Variants in ST3GAL6 observed in about 807,000 individuals in gnomAD.
ST3GAL6 encodes the protein type 2 lactosamine alpha-2,3-sialyltransferase.
A neutral mutation model predicts 40.5 loss-of-function variants in ST3GAL6; 31 were observed. The observed-to-expected ratio is 0.77, with a 90% CI of 0.58 to 1.03. The LOEUF (loss-of-function observed/expected upper bound fraction) is 1.03, where lower values mean the gene tolerates loss of function less well. Ranked by LOEUF, ST3GAL6 falls within the 50% of genes least tolerant of loss-of-function variation. The probability of loss-of-function intolerance (pLI) is 0.00; values close to 1 mark genes in which losing one functional copy is unlikely to be tolerated. For synonymous variants in ST3GAL6, 129 were observed against 136.9 expected (o/e 0.94, Z 0.40); for missense variants, 357 against 393.2 (o/e 0.91, Z 0.78).
At chr3:98,742,238 G>A (rs1936155993) in intron 1 of ST3GAL6, among the ~76,000 whole-genome samples, 1 of 152,088 alleles carries the variant, frequency 6.6e-6, no homozygotes, top group Non-Finnish European at 1.5e-5. Flanking sequence ...AATACCTGAT[G>A]TTAATATTTA....
chr3:98,775,973 G>A (rs1333257451), intron 5 of ST3GAL6, among the ~76,000 whole-genome samples: 2 of 152,162 alleles, frequency 1.3e-5, no homozygotes, highest in Non-Finnish European at 2.9e-5. Context: ...AACCCTGTAG[G>A]ATCCCCACAG....
intron 4 of ST3GAL6, 21 bp downstream of exon 4, chr3:98,772,937 C>T: frequency 6.7e-7 from 1 of 1,495,220 alleles, no homozygotes; most frequent in Non-Finnish European, 9.3e-7. Flanking sequence ...GTATTCTTAC[C>T]TGGTTCTGTT....
chr3:98,734,061 T>C (rs75732997), intron 1 of ST3GAL6, among the ~76,000 whole-genome samples: 3,302 of 152,320 alleles, frequency 0.022, 129 homozygotes, highest in African/African-American at 0.076. Context: ...GTGTCCACGC[T>C]GACCTTTGAA....
chr3:98,733,706 T>A (rs1043790867), intron 1 of ST3GAL6: 5 of 678,812 alleles, frequency 7.4e-6, no homozygotes, highest in Non-Finnish European at 9.1e-6. Flanking sequence ...CTCTTTCTTG[T>A]GTGCTGTTAT....
At chr3:98,786,243 G>C (rs747641567) in intron 6 of ST3GAL6, among the ~76,000 whole-genome samples, 1 of 152,116 alleles carries the variant, frequency 6.6e-6, no homozygotes, top group Non-Finnish European at 1.5e-5. Context: ...AGAGAGAAGA[G>C]AGTGAGGACT....
At chr3:98,757,862 G>T (rs1260121644) in intron 1 of ST3GAL6, among the ~76,000 whole-genome samples, 2 of 150,628 alleles carry the variant, frequency 1.3e-5, no homozygotes, top group Non-Finnish European at 3.0e-5. Context: ...TTGAGACGGA[G>T]TCTTGCTCTG....
chr3:98,776,535 G>T (rs1350369713), intron 5 of ST3GAL6, among the ~76,000 whole-genome samples: 1 of 152,182 alleles, frequency 6.6e-6, no homozygotes, highest in Non-Finnish European at 1.5e-5. Flanking sequence ...AGGCTGGCTT[G>T]TCCTTCATCA....
At chr3:98,770,161 A>G (rs1225609123) in intron 2 of ST3GAL6, among the ~76,000 whole-genome samples, 1 of 152,236 alleles carries the variant, frequency 6.6e-6, no homozygotes, top group Non-Finnish European at 1.5e-5. Flanking sequence ...TGAATTCTTC[A>G]CATAACTGAT....
chr3:98,788,451 TCCCA>T lies in ST3GAL6; in HGVS notation c.745_748del (p.Pro249LysfsTer27), dbSNP rs1162343866. 1 of 1,607,022 alleles carries T rather than the reference TCCCA, an allele frequency of 6.2e-7. No individual in the cohort carries two copies. Among genetic ancestry groups the T allele is most frequent in the Non-Finnish European group, 8.5e-7 (1 of 1,177,792 alleles). On this transcript the variant is annotated frameshift_variant, in exon 8 of 10. Transcript: ENST00000483910. LOFTEE classifies it high-confidence loss of function. ...AACTGCTTCATTTTCCAAAAGTGTT[TCCCA>T]AAAATCAGGTATGTATTTATCTCTG...
rs749083061 is a variant in ST3GAL6, at chr3:98,768,507, T to G, written c.67T>G (p.Leu23Val). 1.4e-5 allele frequency: 22 copies of G among 1,612,340 alleles called. No homozygotes were observed. In the Admixed American group the frequency reaches 2.3e-4, roughly 17 times the overall value. The stretch of plus-strand genomic sequence containing the variant: ...CCTCTATTATGTACTGCATTGCATA[T>G]TATGGGGAACGAATGTCTATTGGTA... ...VFLYYVLHCI[L>V]WGTNVYWVAP... The change falls in exon 2 of 10, where the codon TTA (leucine) becomes GTA (valine). Residue 23 changes from leucine (L) to valine (V), a missense_variant. Coordinates refer to ENST00000483910, the MANE Select transcript of ST3GAL6 (RefSeq NM_001323368.2).
intron 5 of ST3GAL6, among the ~76,000 whole-genome samples, chr3:98,775,950 A>G (rs278375): frequency 0.97 from 147,999 of 152,300 alleles, 72,071 homozygotes; most frequent in East Asian, 1. Context: ...TAGATAAAGA[A>G]TGAATGGCAA....
At chr3:98,739,348 AGACTT>A (rs1448916862) in intron 1 of ST3GAL6, among the ~76,000 whole-genome samples, 1 of 151,634 alleles carries the variant, frequency 6.6e-6, no homozygotes, top group Admixed American at 6.6e-5. Context: ...AACCAGTAGT[AGACTT>A]GACTTGAAGG....
At chr3:98,756,064 T>C (rs1235969364) in intron 1 of ST3GAL6, among the ~76,000 whole-genome samples, 2 of 152,184 alleles carry the variant, frequency 1.3e-5, no homozygotes, top group Non-Finnish European at 2.9e-5. Context: ...AGAAGACAGA[T>C]GGTTCTTTCA....
intron 8 of ST3GAL6, among the ~76,000 whole-genome samples, chr3:98,789,032 C>G (rs1166291805): frequency 1.3e-5 from 2 of 152,180 alleles, no homozygotes; most frequent in African/African-American, 4.8e-5. Flanking sequence ...AAAATGAAAT[C>G]TCATTGACTT....
intron 5 of ST3GAL6, chr3:98,784,633 G>A (rs1000067078): frequency 4.0e-6 from 1 of 247,304 alleles, no homozygotes; most frequent in African/African-American, 2.2e-5. Flanking sequence ...ATAGATTTCT[G>A]AACCTCTTTC....
intron 4 of ST3GAL6, 147 bp from the exon 5 acceptor site, chr3:98,773,773 G>A: frequency 1.8e-6 from 1 of 550,026 alleles, no homozygotes; most frequent in Non-Finnish European, 3.2e-6. Context: ...CTGGCTAATT[G>A]CAGTTGTATC....
chr3:98,749,113 A>C (rs960893030), intron 1 of ST3GAL6, among the ~76,000 whole-genome samples: 1 of 152,264 alleles, frequency 6.6e-6, no homozygotes, highest in African/African-American at 2.4e-5. Context: ...AGTCAGTGAG[A>C]AATTCTTTAT....
At chr3:98,766,598 T>A (rs1285927479) in intron 1 of ST3GAL6, among the ~76,000 whole-genome samples, 1 of 152,022 alleles carries the variant, frequency 6.6e-6, no homozygotes, top group Non-Finnish European at 1.5e-5. Context: ...TTTTTTTGCA[T>A]TTTTAGTAGA....
Position 98,768,281 on chromosome 3 carries a change from GAGTA to G in ST3GAL6, c.-11-148_-11-145del, listed in dbSNP as rs1938596679. 3.1e-5 allele frequency: 9 copies of G among 291,030 alleles called. 3 individuals are homozygous for G. Among genetic ancestry groups the G allele is most frequent in the South Asian group, 1.1e-4 (2 of 17,484 alleles). The allele number at this position is 291,030 out of a possible 1,614,324, so 18.0% of individuals were successfully genotyped here. ...AACATTATCTTTCTGCACGTTTAGT[GAGTA>G]TTTCCAAAATTACATGCCCACATCA... On this transcript the variant is annotated intron_variant, in intron 1 of 9. Coordinates refer to ENST00000483910, the MANE Select transcript of ST3GAL6 (RefSeq NM_001323368.2).
Sources: gnomAD v4.1 joint callset for allele counts (sites outside exome capture counted in the v4.1 genomes callset) on GRCh38, gnomAD v4.1.1 for gene constraint, MANE v1.5 for transcripts, NCBI Gene and HGNC (gene_info 2026-07-23, HGNC 2026-07-21) for gene names.